The following FBXO36 variants were observed in gnomAD, a reference collection of about 807,000 sequenced individuals.
The protein encoded by FBXO36 is F-box protein 36, also known as F-box only protein 36.
In FBXO36, 18 loss-of-function variants were observed where a neutral mutation model predicts 17.0. The observed-to-expected ratio is 1.06, with a 90% CI of 0.73 to 1.57. FBXO36 has a LOEUF of 1.57. Ranked by LOEUF, FBXO36 falls within the 40% of genes most tolerant of loss-of-function variation. FBXO36 has a pLI of 0.00. For synonymous variants in FBXO36, 83 were observed against 85.3 expected, an observed-to-expected ratio of 0.97 and a Z score of 0.15; for missense variants, 229 against 221.9, an observed-to-expected ratio of 1.03 and a Z score of -0.20.
chr2:229,931,577 A>C (rs2106154327), intron 1 of FBXO36, among the ~76,000 whole-genome samples: 1 of 152,310 alleles, frequency 6.6e-6, no homozygotes, highest in East Asian at 1.9e-4. Context: ...ATGTTGGCTC[A>C]CACCTGTAAT....
intron 1 of FBXO36, among the ~76,000 whole-genome samples, chr2:229,928,021 T>C (rs2076921807): frequency 6.6e-6 from 1 of 152,194 alleles, no homozygotes; most frequent in African/African-American, 2.4e-5. Flanking sequence ...CTAATAAAAA[T>C]GTTAATGCAC....
rs201545074 is a variant in FBXO36, at chr2:230,007,854, AAAG to A, written c.379-2841_379-2839del. ...CAAATAATCCACCCTTCGGCCTCCC[AAAG>A]TTCTGGGATTACAGGAGCCTGCCAC... On this transcript the variant is annotated intron_variant, in intron 3 of 3. Coordinates refer to ENST00000283946, the MANE Select transcript of FBXO36 (RefSeq NM_174899.5). Among the ~76,000 whole-genome samples, 1,121 of 152,136 alleles carry A rather than the reference AAAG, an allele frequency of 7.4e-3. 13 individuals carry two copies. The highest frequency in any genetic ancestry group is 0.025 in the African/African-American group (1,057 of 41,514).
intron 1 of FBXO36, among the ~76,000 whole-genome samples, chr2:229,960,059 C>T (rs2077112444): frequency 6.6e-6 from 1 of 151,956 alleles, no homozygotes; most frequent in South Asian, 2.1e-4. Flanking sequence ...GGTGCTATCC[C>T]TGTTTCCTGT....
chr2:229,981,725 A>T (rs988998413), intron 2 of FBXO36, among the ~76,000 whole-genome samples: 1 of 151,316 alleles, frequency 6.6e-6, no homozygotes, highest in East Asian at 1.9e-4. Flanking sequence ...AAAGAAAGAA[A>T]GAAAAAGGAA....
At position 229,982,636 on chromosome 2, in the gene FBXO36, G is replaced by C. The variant is rs199613864; in HGVS notation, c.205+6287G>C. 3.3e-5 allele frequency among the ~76,000 whole-genome samples: 5 copies of C among 151,678 alleles called. No homozygotes were observed. In the East Asian group the frequency reaches 9.8e-4, roughly 30 times the overall value. ...AGCCTGGCCAACATGGTGAAACCTC[G>C]TCTCTACTAAAAATACAAAATTTAG... On this transcript the variant is annotated intron_variant, in intron 2 of 3. Transcript: ENST00000283946.
chr2:229,935,240 G>A (rs1000992444), intron 1 of FBXO36, among the ~76,000 whole-genome samples: 4 of 152,182 alleles, frequency 2.6e-5, no homozygotes, highest in Admixed American at 2.6e-4. Context: ...TACAAAGCAG[G>A]TATAATTGGA....
At chr2:229,933,439 G>A (rs911498891) in intron 1 of FBXO36, among the ~76,000 whole-genome samples, 1 of 152,166 alleles carries the variant, frequency 6.6e-6, no homozygotes, top group Non-Finnish European at 1.5e-5. Context: ...GTTAGTAGCT[G>A]TGTGACCTGG....
intron 2 of FBXO36, among the ~76,000 whole-genome samples, chr2:229,978,660 C>T (rs2077222530): frequency 6.6e-6 from 1 of 152,022 alleles, no homozygotes; most frequent in African/African-American, 2.4e-5. Context: ...TTATAGTTAA[C>T]AATGTTATTT....
At chr2:229,922,844 G>A (rs1403539620) in intron 1 of FBXO36, among the ~76,000 whole-genome samples, 1 of 152,196 alleles carries the variant, frequency 6.6e-6, no homozygotes, top group African/African-American at 2.4e-5. Context: ...CCTCCCCGCG[G>A]TGCCGCGTGC....
chr2:229,949,856 C>T (rs1009115044), intron 1 of FBXO36, among the ~76,000 whole-genome samples: 2 of 152,096 alleles, frequency 1.3e-5, no homozygotes, highest in Non-Finnish European at 2.9e-5. Flanking sequence ...ACCTGGGAGG[C>T]GGAGCTTGCA....
chr2:229,988,866 G>T (rs1401590045), intron 2 of FBXO36, among the ~76,000 whole-genome samples: 1 of 137,352 alleles, frequency 7.3e-6, no homozygotes. Flanking sequence ...TTACCGCATA[G>T]TATTTATGCT....
intron 3 of FBXO36, among the ~76,000 whole-genome samples, chr2:229,997,368 A>G (rs2077332723): frequency 6.6e-6 from 1 of 151,690 alleles, no homozygotes; most frequent in African/African-American, 2.4e-5. Context: ...ACCTGAGGTC[A>G]GGAGTTTGAG....
At chr2:229,982,005 C>T (rs1436951679) in intron 2 of FBXO36, among the ~76,000 whole-genome samples, 1 of 151,404 alleles carries the variant, frequency 6.6e-6, no homozygotes, top group East Asian at 1.9e-4. Context: ...GTGCCACACA[C>T]TTGAGTTTTT....
chr2:229,936,498 G>T (rs986389396), intron 1 of FBXO36, among the ~76,000 whole-genome samples: 1 of 152,140 alleles, frequency 6.6e-6, no homozygotes, highest in Non-Finnish European at 1.5e-5. Context: ...ATTTTATAAA[G>T]ATAGATTGTT....
At chr2:229,951,944 A>G (rs1018143005) in intron 1 of FBXO36, among the ~76,000 whole-genome samples, 1 of 152,218 alleles carries the variant, frequency 6.6e-6, no homozygotes, top group African/African-American at 2.4e-5. Flanking sequence ...TATTGACACG[A>G]AAGCTCTCGC....
chr2:229,983,888 T>C (rs1307103867), intron 2 of FBXO36, among the ~76,000 whole-genome samples: 4 of 152,144 alleles, frequency 2.6e-5, no homozygotes, highest in Non-Finnish European at 1.5e-5. Context: ...TGCTTAGAAT[T>C]TGCCTGGCAC....
chr2:229,948,518 GAAAAAAA>G (rs59155537), intron 1 of FBXO36, among the ~76,000 whole-genome samples: 1 of 129,294 alleles, frequency 7.7e-6, no homozygotes, highest in Non-Finnish European at 1.7e-5. Context: ...GGGCTTTAGA[GAAAAAAA>G]AAAAAAAAAA....
In FBXO36 at chr2:229,990,138, T is replaced by G. The variant is rs932928806; in HGVS notation, c.206-6613T>G. 9.2e-5 allele frequency among the ~76,000 whole-genome samples: 14 copies of G among 151,664 alleles called. No homozygotes were observed. The South Asian group carries it at 2.3e-3, about 25-fold the overall frequency. On this transcript the variant is annotated intron_variant, in intron 2 of 3. Coordinates refer to ENST00000283946, the MANE Select transcript of FBXO36 (RefSeq NM_174899.5). ...CTCTCTCTCTTAAGTTCTCTCCATA[T>G]TCCAGAACTCCTTTTTTTCCTCTAT...
chr2:229,972,316 TAAC>T (rs2077185048), intron 1 of FBXO36, among the ~76,000 whole-genome samples: 3 of 152,142 alleles, frequency 2.0e-5, no homozygotes, highest in Non-Finnish European at 4.4e-5. Flanking sequence ...ATGCAATTTT[TAAC>T]AATTACTAGT....
Sources: gnomAD v4.1 joint callset for allele counts (sites outside exome capture counted in the v4.1 genomes callset) on GRCh38, gnomAD v4.1.1 for gene constraint, MANE v1.5 for transcripts, NCBI Gene and HGNC (gene_info 2026-07-23, HGNC 2026-07-21) for gene names.